The following TRAPPC9 variants were observed in gnomAD, a reference collection of about 807,000 sequenced individuals.
TRAPPC9 encodes the protein IKK2 binding protein.
A neutral mutation model predicts 124.0 loss-of-function variants in TRAPPC9; 83 were observed. The ratio of observed to expected loss-of-function variants is 0.67; its 90% confidence interval spans 0.56 to 0.80. The LOEUF (loss-of-function observed/expected upper bound fraction) is 0.80. Ranked by LOEUF, TRAPPC9 falls within the 30% of genes least tolerant of loss-of-function variation. The pLI is 0.00. For missense variants in TRAPPC9, 1,302 were observed against 1,508.3 expected (o/e 0.86, Z 2.27); for synonymous variants, 638 against 617.5 (o/e 1.03, Z -0.49).
intron 17 of TRAPPC9, among the ~76,000 whole-genome samples, chr8:140,144,651 G>A (rs1226429148): frequency 1.3e-5 from 2 of 152,024 alleles, no homozygotes; most frequent in African/African-American, 4.8e-5. Flanking sequence ...ACCACACCCA[G>A]CTAACTTGTA....
In TRAPPC9 at chr8:139,979,698, C is replaced by T. The variant is rs532386982; in HGVS notation, c.2810+9028G>A. Among the ~76,000 whole-genome samples, 8 of 152,278 alleles carry T rather than the reference C, an allele frequency of 5.3e-5. No individual in the cohort carries two copies. In the South Asian group the frequency reaches 1.7e-3, roughly 32 times the overall value. ...AAAACAACAAACCCCATCCAAGAGA[C>T]CCACAGTGTCGAGGAGGACAGGACA... On this transcript the variant is annotated intron_variant, in intron 19 of 22. Transcript: ENST00000438773.
At chr8:140,456,920 T>C (rs2948173) in intron 1 of TRAPPC9, 430,967 of 767,050 alleles carry the variant, frequency 0.56, 122,308 homozygotes, top group Non-Finnish European at 0.57. Context: ...TGGGAAGGTC[T>C]GCAGGGGTGG....
chr8:139,800,494 G>A lies in TRAPPC9; in HGVS notation c.3056-68292C>T, dbSNP rs544298933. On this transcript the variant is annotated intron_variant, in intron 21 of 22. Transcript: ENST00000438773. ...GGAAAGACCAGCTGCTTTCTGGGTCGCCTGTCCCAAAGCTGAGGGGCAGTG... is the reference window on the plus strand; with the variant it reads ...GGAAAGACCAGCTGCTTTCTGGGTCACCTGTCCCAAAGCTGAGGGGCAGTG... Among the ~76,000 whole-genome samples the A allele has an allele frequency of 2.6e-4, 39 of 152,318 alleles. No individual in the cohort carries two copies. In the East Asian group the frequency reaches 7.5e-3, roughly 29 times the overall value.
chr8:140,248,016 C>G (rs1036249305), intron 16 of TRAPPC9, among the ~76,000 whole-genome samples: 1 of 152,072 alleles, frequency 6.6e-6, no homozygotes, highest in African/African-American at 2.4e-5. Flanking sequence ...TATGTTATCT[C>G]GCTGCTTATG....
At chr8:139,849,095 C>T (rs971843268) in intron 21 of TRAPPC9, among the ~76,000 whole-genome samples, 15 of 152,206 alleles carry the variant, frequency 9.9e-5, no homozygotes, top group African/African-American at 3.6e-4. Flanking sequence ...CCCTTGGACT[C>T]TGGATGACAA....
intron 9 of TRAPPC9, 109 bp downstream of exon 9, chr8:140,359,941 G>T: frequency 6.7e-7 from 1 of 1,485,328 alleles, no homozygotes; most frequent in African/African-American, 1.4e-5. Flanking sequence ...GAGCTGGGCA[G>T]CATCTTCCAC....
intron 7 of TRAPPC9, among the ~76,000 whole-genome samples, chr8:140,382,326 C>T (rs547891514): frequency 6.2e-4 from 95 of 152,236 alleles, no homozygotes; most frequent in African/African-American, 2.1e-3. Context: ...GAGCATGGGC[C>T]GAAGCAGGAT....
chr8:139,922,345 G>A (rs544104066), intron 19 of TRAPPC9, among the ~76,000 whole-genome samples: 69 of 152,214 alleles, frequency 4.5e-4, no homozygotes, highest in Admixed American at 2.6e-4. Flanking sequence ...CACCACACCC[G>A]GCTACTTTTT....
intron 21 of TRAPPC9, among the ~76,000 whole-genome samples, chr8:139,748,507 A>G: frequency 7.1e-6 from 1 of 140,756 alleles, no homozygotes; most frequent in South Asian, 2.3e-4. Context: ...GGGGGCATAC[A>G]GGGGTCAGAG....
In TRAPPC9 at chr8:139,899,120, CAAA is replaced by C. The variant is rs33927933; in HGVS notation, c.2964+11024_2964+11026del. ...GGGAAACAAGAACAAAACTCCGTCT[CAAA>C]AAAAAAAAAAAAAAAAAAAGAATTT... On this transcript the variant is annotated intron_variant, in intron 20 of 22. Coordinates refer to ENST00000438773, the MANE Select transcript of TRAPPC9 (RefSeq NM_001160372.4). Among the ~76,000 whole-genome samples, 180 of 45,462 alleles carry C rather than the reference CAAA, an allele frequency of 4.0e-3. 1 individual carries two copies. Among genetic ancestry groups the C allele is most frequent in the African/African-American group, 0.017 (172 of 10,152 alleles). The allele number at this position is 45,462 out of a possible 152,430, so 29.8% of individuals were successfully genotyped here.
Position 139,730,404 on chromosome 8 carries a change from T to C in TRAPPC9, c.*657A>G, listed in dbSNP as rs1455891085. On this transcript the variant is annotated 3_prime_UTR_variant, in exon 23 of 23. Transcript: ENST00000438773. ...CAGACATGGACACACACAGCCATGG[T>C]AACCAGACGCCACCCTGGGGCCAGG... 1.3e-5 allele frequency: 2 copies of C among 152,944 alleles called. No homozygotes were observed. The highest frequency in any genetic ancestry group is 2.4e-5 in the African/African-American group (1 of 41,418). The allele number at this position is 152,944 out of a possible 1,614,324, so 9.5% of individuals were successfully genotyped here.
chr8:140,218,980 A>T (rs935512370), intron 17 of TRAPPC9, among the ~76,000 whole-genome samples: 2 of 152,178 alleles, frequency 1.3e-5, no homozygotes, highest in Admixed American at 1.3e-4. Context: ...GAAAAAAAAA[A>T]ACTGGATTTT....
At chr8:140,217,945 A>G (rs1425233958) in intron 17 of TRAPPC9, among the ~76,000 whole-genome samples, 2 of 151,924 alleles carry the variant, frequency 1.3e-5, no homozygotes, top group Non-Finnish European at 2.9e-5. Flanking sequence ...TGAACCCAGG[A>G]GGTGGAGGTT....
chr8:139,982,524 C>CT (rs1836979706), intron 19 of TRAPPC9, among the ~76,000 whole-genome samples: 1 of 152,224 alleles, frequency 6.6e-6, no homozygotes, highest in South Asian at 2.1e-4. Context: ...AAACAGGGTT[C>CT]CGAATGTCAT....
At chr8:139,876,803 C>T (rs181254441) in intron 21 of TRAPPC9, among the ~76,000 whole-genome samples, 6 of 152,318 alleles carry the variant, frequency 3.9e-5, no homozygotes, top group East Asian at 1.9e-4. Context: ...TTTGTCCCCA[C>T]GAACCATGTC....
intron 18 of TRAPPC9, 134 bp from the exon 19 acceptor site, chr8:139,988,970 C>A (rs776250295): frequency 5.7e-6 from 4 of 706,092 alleles, no homozygotes; most frequent in East Asian, 2.7e-5. Context: ...TGCTCCTGGG[C>A]TCAGAGGATT....
In TRAPPC9 at chr8:139,784,641, ATAT is replaced by A. The variant is rs1243716844; in HGVS notation, c.3056-52442_3056-52440del. On this transcript the variant is annotated intron_variant, in intron 21 of 22. Transcript: ENST00000438773. ...TATATATATATATATATATATATAT[ATAT>A]AAATCAACTGCATTTCCATATAGTA... Among the ~76,000 whole-genome samples the A allele has an allele frequency of 7.1e-5, 10 of 141,092 alleles. 1 individual carries two copies. The highest frequency in any genetic ancestry group is 4.3e-4 in the Admixed American group (6 of 13,798). 92.6% of individuals were successfully genotyped at this position (141,092 alleles called of 152,430 possible). A position where few individuals can be genotyped will look rare whatever the true frequency, so the allele number is the denominator to read the frequency against.
intron 18 of TRAPPC9, 96 bp downstream of exon 18, chr8:140,023,841 C>T (rs922344590): frequency 2.3e-5 from 36 of 1,580,498 alleles, no homozygotes; most frequent in African/African-American, 1.2e-4. Context: ...ACGGATCTGA[C>T]GGGATGCATG....
In TRAPPC9 at chr8:140,252,448, C is replaced by T. The variant is rs187619014; in HGVS notation, c.2431+329G>A. ...TTGAAGGAAAACTTTATCATCACAG[C>T]TAATTAGATGTCTAAAGAATCACAG... On this transcript the variant is annotated intron_variant, in intron 16 of 22. Coordinates refer to ENST00000438773, the MANE Select transcript of TRAPPC9 (RefSeq NM_001160372.4). This position sits in a 1 kb window ranked among gnomAD's most constrained non-coding sequence, Gnocchi z 4.2. The T allele has an allele frequency of 3.0e-6, 1 of 333,110 alleles. No homozygotes were observed. Among genetic ancestry groups the T allele is most frequent in the Admixed American group, 4.4e-5 (1 of 22,636 alleles). The allele number at this position is 333,110 out of a possible 1,614,324, so 20.6% of individuals were successfully genotyped here. A position where few individuals can be genotyped will look rare whatever the true frequency, so the allele number is the denominator to read the frequency against.
Sources: gnomAD v4.1 joint callset for allele counts (sites outside exome capture counted in the v4.1 genomes callset) on GRCh38, gnomAD v4.1.1 for gene constraint, Gnocchi (gnomAD v3.1) non-coding constraint, MANE v1.5 for transcripts, NCBI Gene and HGNC (gene_info 2026-07-23, HGNC 2026-07-21) for gene names.